OCA2: variants seen among roughly 807,000 people sequenced by gnomAD.
The protein encoded by OCA2 is P protein.
In OCA2, 77 loss-of-function variants were observed where a neutral mutation model predicts 100.2. The observed-to-expected ratio is 0.77, with a 90% confidence interval of 0.64 to 0.93. The LOEUF is 0.93. OCA2 is among the 40% of genes least tolerant of loss of function. The probability of loss-of-function intolerance (pLI) is 0.00; values close to 1 mark genes in which losing one functional copy is unlikely to be tolerated. For missense variants in OCA2, 1,062 were observed against 1,089.1 expected, an observed-to-expected ratio of 0.98 and a Z score of 0.35; for synonymous variants, 432 against 439.2, an observed-to-expected ratio of 0.98 and a Z score of 0.21.
chr15:27,789,731 A>G (rs1004989193), intron 23 of OCA2, among the ~76,000 whole-genome samples: 4 of 152,218 alleles, frequency 2.6e-5, no homozygotes, highest in Non-Finnish European at 5.9e-5. Flanking sequence ...AAGCAATTTA[A>G]TGAAAAATTA....
intron 19 of OCA2, among the ~76,000 whole-genome samples, chr15:27,893,676 C>T (rs1465374392): frequency 1.3e-5 from 2 of 152,222 alleles, no homozygotes; most frequent in African/African-American, 4.8e-5. Flanking sequence ...GCAGAACCCT[C>T]GGACTTACTA....
intron 19 of OCA2, among the ~76,000 whole-genome samples, chr15:27,898,612 T>C (rs2037803909): frequency 6.6e-6 from 1 of 152,186 alleles, no homozygotes; most frequent in Non-Finnish European, 1.5e-5. Context: ...GAGAACAGAC[T>C]AATAAAGCCA....
chr15:27,880,093 A>T (rs939999554), intron 19 of OCA2, among the ~76,000 whole-genome samples: 1 of 152,192 alleles, frequency 6.6e-6, no homozygotes, highest in African/African-American at 2.4e-5. Flanking sequence ...TCCCAGCACC[A>T]TTTATTAAAT....
intron 23 of OCA2, among the ~76,000 whole-genome samples, chr15:27,793,763 G>T (rs755035081): frequency 6.6e-6 from 1 of 152,230 alleles, no homozygotes; most frequent in African/African-American, 2.4e-5. Context: ...TGCCTGGGGC[G>T]ACTTTGTGTA....
chr15:27,814,450 C>T (rs2034199386), intron 23 of OCA2, among the ~76,000 whole-genome samples: 1 of 152,182 alleles, frequency 6.6e-6, no homozygotes, highest in Admixed American at 6.5e-5. Flanking sequence ...TACAAAACAG[C>T]TTTCAATCAT....
At chr15:28,026,966 C>T (rs1438555203) in intron 4 of OCA2, among the ~76,000 whole-genome samples, 1 of 152,220 alleles carries the variant, frequency 6.6e-6, no homozygotes, top group East Asian at 1.9e-4. Context: ...AGGGTACCGT[C>T]GCGTGGCCAG....
chr15:27,960,731 T>C (rs4778215), intron 15 of OCA2, among the ~76,000 whole-genome samples: 113,271 of 151,802 alleles, frequency 0.75, 43,617 homozygotes, highest in East Asian at 1. Flanking sequence ...GGTGAAACTC[T>C]GACTCTACTA....
chr15:27,970,541 G>T (rs2040741842), intron 14 of OCA2, among the ~76,000 whole-genome samples: 1 of 151,568 alleles, frequency 6.6e-6, no homozygotes, highest in Non-Finnish European at 1.5e-5. Context: ...AAAATGTAAA[G>T]AATGTCCCAG....
intron 23 of OCA2, among the ~76,000 whole-genome samples, chr15:27,814,604 A>T (rs2034206119): frequency 6.6e-6 from 1 of 152,202 alleles, no homozygotes; most frequent in African/African-American, 2.4e-5. Context: ...TAGGCCAGGC[A>T]CCGTGGCTCA....
At position 28,032,023 on chromosome 15, in the gene OCA2, C is replaced by T. The variant is rs1453140449; in HGVS notation, c.326+42G>A. 7 of 1,489,056 alleles carry T rather than the reference C, an allele frequency of 4.7e-6. No homozygotes were observed. In the African/African-American group the frequency reaches 6.9e-5, roughly 15 times the overall value. 92.2% of individuals were successfully genotyped at this position (1,489,056 alleles called of 1,614,324 possible). On this transcript the variant is annotated intron_variant, in intron 3 of 23. Coordinates refer to ENST00000354638, the MANE Select transcript of OCA2 (RefSeq NM_000275.3). ...TCCAGCATACATGCCAGGTGCAATG[C>T]TCAGAAACTCTTACTTTCATATGAG...
chr15:28,084,398 C>A (rs971643815), intron 1 of OCA2, among the ~76,000 whole-genome samples: 10 of 152,230 alleles, frequency 6.6e-5, no homozygotes, highest in African/African-American at 2.4e-4. Flanking sequence ...ACCTCACTCC[C>A]CTCTTTCCCA....
intron 17 of OCA2, among the ~76,000 whole-genome samples, chr15:27,952,336 G>A (rs1294638636): frequency 6.6e-6 from 1 of 152,228 alleles, no homozygotes; most frequent in Non-Finnish European, 1.5e-5. Context: ...TGCAGGGGGT[G>A]CACTCTTAGC....
intron 19 of OCA2, among the ~76,000 whole-genome samples, chr15:27,874,971 A>G (rs1007096919): frequency 2.6e-5 from 4 of 152,244 alleles, no homozygotes; most frequent in African/African-American, 9.6e-5. Context: ...ATAGTCTTAA[A>G]TATACACAAT....
chr15:27,973,040 T>G (rs2040856963), intron 14 of OCA2, among the ~76,000 whole-genome samples: 1 of 151,764 alleles, frequency 6.6e-6, no homozygotes, highest in African/African-American at 2.4e-5. Flanking sequence ...TATTTTTTTA[T>G]TTTATTTTTA....
rs971163943 is a variant in OCA2, at chr15:28,064,880, T to A, written c.227+16768A>T. On this transcript the variant is annotated intron_variant, in intron 2 of 23. Transcript: ENST00000354638. ...GTTTTTTTTTTTATTATTATTGTTGTTGAAACACTTTGTTGTTGGTGGCAG... is the reference window on the plus strand; with the variant it reads ...GTTTTTTTTTTTATTATTATTGTTGATGAAACACTTTGTTGTTGGTGGCAG... Among the ~76,000 whole-genome samples the A allele has an allele frequency of 2.0e-5, 3 of 150,890 alleles. No individual in the cohort carries two copies. In the South Asian group the frequency reaches 6.3e-4, roughly 32 times the overall value.
intron 23 of OCA2, among the ~76,000 whole-genome samples, chr15:27,812,146 C>T (rs888511067): frequency 5.3e-5 from 8 of 152,048 alleles, no homozygotes; most frequent in African/African-American, 1.2e-4. Context: ...AATGCTGGAG[C>T]GAAGACCCCT....
intron 2 of OCA2, among the ~76,000 whole-genome samples, chr15:28,062,767 G>C (rs750206519): frequency 6.6e-6 from 1 of 152,080 alleles, no homozygotes; most frequent in Non-Finnish European, 1.5e-5. Context: ...TCATTCTTTT[G>C]CATGTGGATA....
chr15:27,992,577 C>G (rs1348990902), intron 9 of OCA2, among the ~76,000 whole-genome samples: 1 of 151,972 alleles, frequency 6.6e-6, no homozygotes, highest in Admixed American at 6.6e-5. Flanking sequence ...CTACAGAGAA[C>G]AAGGCGAAGA....
intron 1 of OCA2, among the ~76,000 whole-genome samples, chr15:28,090,490 A>T (rs1022786518): frequency 1.3e-5 from 2 of 152,226 alleles, no homozygotes; most frequent in African/African-American, 4.8e-5. Flanking sequence ...TTGAAATCAC[A>T]CAGAGTATTC....
Sources: allele counts gnomAD v4.1 joint callset (sites outside exome capture counted in the v4.1 genomes callset), GRCh38; gene constraint gnomAD v4.1.1; transcripts MANE v1.5; gene names NCBI Gene and HGNC (gene_info 2026-07-23, HGNC 2026-07-21).